Variants in TMEM63B observed in about 807,000 individuals in gnomAD.
TMEM63B encodes the protein mechanosensitive cation channel TMEM63B.
In TMEM63B, 23 loss-of-function variants were observed where a neutral mutation model predicts 102.6. The observed-to-expected ratio is 0.22, with a 90% CI of 0.16 to 0.32. The LOEUF is 0.32. Ranked by LOEUF, TMEM63B falls within the 10% of genes least tolerant of loss-of-function variation. The probability of loss-of-function intolerance (pLI) is 1.00; values close to 1 mark genes in which losing one functional copy is unlikely to be tolerated. For synonymous variants in TMEM63B, 444 were observed against 437.0 expected (o/e 1.02, Z -0.20); for missense variants, 628 against 1,095.9 (o/e 0.57, Z 6.03).
chr6:44,150,696 C>T lies in TMEM63B; in HGVS notation c.1673+67C>T. The T allele has an allele frequency of 6.7e-7, 1 of 1,499,518 alleles. No homozygotes were observed. The highest frequency in any genetic ancestry group is 9.3e-7 in the Non-Finnish European group (1 of 1,080,132). 92.9% of individuals were successfully genotyped at this position (1,499,518 alleles called of 1,614,324 possible). On this transcript the variant is annotated intron_variant, in intron 18 of 23. Transcript: ENST00000323267. The surrounding 1 kb of genome is among the most constrained non-coding windows in gnomAD (Gnocchi z 4.7). ...GGGTGGGTATGCTTGAGAGACATTG[C>T]CAGCCCCATGGGAGGGTGCAACAAA...
intron 1 of TMEM63B, among the ~76,000 whole-genome samples, chr6:44,130,651 A>G (rs1057002568): frequency 4.0e-5 from 6 of 150,028 alleles, no homozygotes; most frequent in South Asian, 4.2e-4. Flanking sequence ...GGGTTTTGCT[A>G]TGTTGCCCAA....
intron 8 of TMEM63B, 88 bp from the exon 9 acceptor site, chr6:44,140,164 C>T: frequency 3.8e-6 from 4 of 1,054,290 alleles, no homozygotes; most frequent in Non-Finnish European, 5.7e-6. Context: ...CTGTCTGTAT[C>T]AAGGGTTTAA....
chr6:44,130,276 C>T (rs1337145537), intron 1 of TMEM63B, among the ~76,000 whole-genome samples: 1 of 152,198 alleles, frequency 6.6e-6, no homozygotes, highest in East Asian at 1.9e-4. Flanking sequence ...TTGAGCAGCT[C>T]ATATACTCTC....
intron 1 of TMEM63B, among the ~76,000 whole-genome samples, chr6:44,129,598 A>G (rs1002228880): frequency 3.9e-5 from 6 of 152,170 alleles, no homozygotes; most frequent in Non-Finnish European, 8.8e-5. Flanking sequence ...AAGAGTGAGA[A>G]TATTCCCTGT....
chr6:44,148,747 A>G lies in TMEM63B; in HGVS notation c.1260-45A>G, dbSNP rs1765942183. The G allele has an allele frequency of 1.9e-6, 3 of 1,612,396 alleles. No individual in the cohort carries two copies. The highest frequency in any genetic ancestry group is 1.1e-5 in the South Asian group (1 of 91,024). On this transcript the variant is annotated intron_variant, in intron 14 of 23. Coordinates refer to ENST00000323267, the MANE Select transcript of TMEM63B (RefSeq NM_018426.3). The surrounding 1 kb of genome is among the most constrained non-coding windows in gnomAD (Gnocchi z 5.1). ...AGTGTCTTGGTGTCACTGGGGGCCA[A>G]TCCTGCCCTTGGTTCCTGGACTGAC...
chr6:44,138,747 T>G, intron 6 of TMEM63B: 1 of 334,640 alleles, frequency 3.0e-6, no homozygotes, highest in East Asian at 5.1e-5. Flanking sequence ...CCCCCCCGCT[T>G]CTCTCCCTGC....
chr6:44,134,305 C>T (rs751042618), intron 1 of TMEM63B: 2 of 446,564 alleles, frequency 4.5e-6, no homozygotes, highest in Non-Finnish European at 8.0e-6. Flanking sequence ...CTTAATGAAA[C>T]CAGCCTCCCC....
Position 44,138,303 on chromosome 6 carries a change from C to T in TMEM63B, c.370-177C>T, listed in dbSNP as rs76470234. 2.5e-3 allele frequency: 1,779 copies of T among 707,070 alleles called. 24 individuals are homozygous for T. In the African/African-American group the frequency reaches 0.029, roughly 11 times the overall value. The allele number at this position is 707,070 out of a possible 1,614,324, so 43.8% of individuals were successfully genotyped here. On this transcript the variant is annotated intron_variant, in intron 5 of 23. Coordinates refer to ENST00000323267, the MANE Select transcript of TMEM63B (RefSeq NM_018426.3). ...TTTTTCTTTGAGGGCTGAGACCTTC[C>T]CTCTCTCTCTCCCTTTTTGGGTATA...
chr6:44,149,783 G>A, intron 15 of TMEM63B, 76 bp from the exon 16 acceptor site: 1 of 1,185,594 alleles, frequency 8.4e-7, no homozygotes, highest in Non-Finnish European at 1.2e-6. Context: ...GGCCCAGCTG[G>A]GGAGGAGGCA....
intron 10 of TMEM63B, among the ~76,000 whole-genome samples, chr6:44,145,358 A>G (rs1472494547): frequency 2.6e-5 from 4 of 151,362 alleles, no homozygotes; most frequent in Non-Finnish European, 5.9e-5. Context: ...GGGCGGGCCA[A>G]TCACCTGAGG....
In TMEM63B at chr6:44,155,258, T is replaced by C; in HGVS notation, c.*375T>C. ...GGGGGGCAGGTGGATCTGGGGCTGTTCCCCCCCCTCCGTTTTTTCCACCCC... is the reference window on the plus strand; with the variant it reads ...GGGGGGCAGGTGGATCTGGGGCTGTCCCCCCCCCTCCGTTTTTTCCACCCC... On this transcript the variant is annotated 3_prime_UTR_variant, in exon 24 of 24. Transcript: ENST00000323267. The C allele has an allele frequency of 6.5e-6, 1 of 154,056 alleles. No individual in the cohort carries two copies. The highest frequency in any genetic ancestry group is 1.4e-5 in the Non-Finnish European group (1 of 70,224). 9.5% of individuals were successfully genotyped at this position (154,056 alleles called of 1,614,324 possible).
At chr6:44,151,263 CAT>C (rs1383378462) in intron 18 of TMEM63B, among the ~76,000 whole-genome samples, 1 of 152,048 alleles carries the variant, frequency 6.6e-6, no homozygotes, top group Non-Finnish European at 1.5e-5. Flanking sequence ...CTCTGGGAAT[CAT>C]GTGAGGATAT....
chr6:44,138,871 G>T, intron 6 of TMEM63B: 1 of 322,902 alleles, frequency 3.1e-6, no homozygotes, highest in Non-Finnish European at 6.0e-6. Flanking sequence ...GAACTCAGGA[G>T]ATCCAGCCAG....
rs10755724 is a variant in TMEM63B at position 44,139,875 on chromosome 6, A to G, written c.602+116A>G. The stretch of plus-strand genomic sequence containing the variant: ...GGGAGCAGAGCCTACAGGGATGGCT[A>G]TGGGTCCCTGAGGGCTTGGGTTGGA... On this transcript the variant is annotated intron_variant, in intron 8 of 23. Coordinates refer to ENST00000323267, the MANE Select transcript of TMEM63B (RefSeq NM_018426.3). 0.4 allele frequency: 538,961 copies of G among 1,336,922 alleles called. 110,327 individuals carry two copies. The highest frequency in any genetic ancestry group is 0.5 in the Admixed American group (28,903 of 57,572). The allele number at this position is 1,336,922 out of a possible 1,614,324, so 82.8% of individuals were successfully genotyped here.
chr6:44,140,376 C>CCCAGGTCCTGCCCCATCCCCAG lies in TMEM63B; in HGVS notation c.711+19_711+40dup. 6.3e-7 allele frequency: 1 copy of CCCAGGTCCTGCCCCATCCCCAG among 1,599,914 alleles called. No homozygotes were observed. Among genetic ancestry groups the CCCAGGTCCTGCCCCATCCCCAG allele is most frequent in the East Asian group, 2.2e-5 (1 of 44,802 alleles). On this transcript the variant is annotated intron_variant, in intron 9 of 23. Transcript: ENST00000323267. ...GGATGATCTGGTGCGTGGAGCAGAGCCCAGGTCCTGCCCCATCCCCAGCCT... is the reference window on the plus strand; with the variant it reads ...GGATGATCTGGTGCGTGGAGCAGAGCCCAGGTCCTGCCCCATCCCCAGCCAGGTCCTGCCCCATCCCCAGCCT...
chr6:44,138,735 G>GCCCCCCCCCCCCCCCCCCCCC (rs1763524312), intron 6 of TMEM63B: 1 of 259,520 alleles, frequency 3.9e-6, no homozygotes, highest in Non-Finnish European at 7.4e-6. Context: ...ACCCCCTGCC[G>GCCCCCCCCCCCCCCCCCCCCC]GCCCCCCCGC....
At chr6:44,143,424 CAGGATTA>C (rs1764694008) in intron 10 of TMEM63B, among the ~76,000 whole-genome samples, 1 of 151,906 alleles carries the variant, frequency 6.6e-6, no homozygotes, top group Non-Finnish European at 1.5e-5. Flanking sequence ...CACTCTGGGT[CAGGATTA>C]AGGACAGTGT....
In TMEM63B at chr6:44,152,132, C is replaced by A; in HGVS notation, c.1836+124C>A. ...TGAGACTTGGGGAGTACAGTTGACT[C>A]ACGGTGGATCCGGGCCATCCCCTTC... On this transcript the variant is annotated intron_variant, in intron 19 of 23. Transcript: ENST00000323267. The surrounding 1 kb of genome is among the most constrained non-coding windows in gnomAD (Gnocchi z 6.4). 8.2e-7 allele frequency: 1 copy of A among 1,225,418 alleles called. No individual in the cohort carries two copies. Among genetic ancestry groups the A allele is most frequent in the Non-Finnish European group, 1.1e-6 (1 of 908,942 alleles). 75.9% of individuals were successfully genotyped at this position (1,225,418 alleles called of 1,614,324 possible).
At position 44,150,711 on chromosome 6, in the gene TMEM63B, G is replaced by C; in HGVS notation, c.1673+82G>C. ...AGAGACATTGCCAGCCCCATGGGAGGGTGCAACAAAGCTTCCAACTCCTGG... is the reference window on the plus strand; with the variant it reads ...AGAGACATTGCCAGCCCCATGGGAGCGTGCAACAAAGCTTCCAACTCCTGG... On this transcript the variant is annotated intron_variant, in intron 18 of 23. Transcript: ENST00000323267. The surrounding 1 kb of genome is among the most constrained non-coding windows in gnomAD (Gnocchi z 4.7). 6.9e-7 allele frequency: 1 copy of C among 1,440,444 alleles called. No individual in the cohort carries two copies. Among genetic ancestry groups the C allele is most frequent in the Non-Finnish European group, 9.7e-7 (1 of 1,030,608 alleles). 89.2% of individuals were successfully genotyped at this position (1,440,444 alleles called of 1,614,324 possible). A position where few individuals can be genotyped will look rare whatever the true frequency, so the allele number is the denominator to read the frequency against.
Sources: allele counts gnomAD v4.1 joint callset (sites outside exome capture counted in the v4.1 genomes callset), GRCh38; gene constraint gnomAD v4.1.1; non-coding constraint Gnocchi (gnomAD v3.1); transcripts MANE v1.5; gene names NCBI Gene and HGNC (gene_info 2026-07-23, HGNC 2026-07-21).